Variants in CEMIP observed in about 807,000 individuals in gnomAD.
CEMIP encodes the protein cell migration inducing hyaluronidase 1.
Under a neutral mutation model 156.9 loss-of-function variants are expected in CEMIP, and 105 were observed. The ratio of observed to expected loss-of-function variants is 0.67; its 90% CI spans 0.57 to 0.79. The LOEUF is 0.79. Ranked by LOEUF, CEMIP falls within the 30% of genes least tolerant of loss-of-function variation. The pLI is 0.00. For missense variants in CEMIP, 1,457 were observed against 1,769.4 expected (o/e 0.82, Z 3.17); for synonymous variants, 676 against 668.4 (o/e 1.01, Z -0.17).
chr15:80,783,681 T>C (rs952198494), intron 1 of CEMIP, among the ~76,000 whole-genome samples: 4 of 152,240 alleles, frequency 2.6e-5, no homozygotes, highest in African/African-American at 9.6e-5. Context: ...TCATGGTGAC[T>C]TTTATTAATA....
intron 3 of CEMIP, among the ~76,000 whole-genome samples, chr15:80,874,801 T>C (rs1295139468): frequency 2.6e-5 from 4 of 152,210 alleles, no homozygotes; most frequent in Non-Finnish European, 5.9e-5. Context: ...GGGGGTTTAG[T>C]GCTGCAATAT....
intron 1 of CEMIP, among the ~76,000 whole-genome samples, chr15:80,857,914 G>A (rs921505717): frequency 2.6e-5 from 4 of 152,158 alleles, no homozygotes; most frequent in African/African-American, 9.7e-5. Flanking sequence ...GGACCTGAGG[G>A]TGAGTGGAGT....
intron 1 of CEMIP, among the ~76,000 whole-genome samples, chr15:80,826,694 CCA>C (rs1897046260): frequency 6.6e-6 from 1 of 152,148 alleles, no homozygotes. Flanking sequence ...GGGGCAGAGG[CCA>C]CAGTCATAGG....
intron 1 of CEMIP, among the ~76,000 whole-genome samples, chr15:80,851,043 C>T (rs1567069284): frequency 6.6e-6 from 1 of 152,216 alleles, no homozygotes; most frequent in Non-Finnish European, 1.5e-5. Flanking sequence ...GCCCAGGATC[C>T]TGGGAAGCAA....
At chr15:80,783,907 G>A (rs1443615954) in intron 1 of CEMIP, among the ~76,000 whole-genome samples, 1 of 152,182 alleles carries the variant, frequency 6.6e-6, no homozygotes, top group Non-Finnish European at 1.5e-5. Context: ...GCCACCCAGA[G>A]GGAGAGGAGC....
chr15:80,889,283 C>G (rs1001645529), intron 9 of CEMIP, among the ~76,000 whole-genome samples, 188 bp from the exon 10 acceptor site: 2 of 152,178 alleles, frequency 1.3e-5, no homozygotes, highest in African/African-American at 2.4e-5. Context: ...TTAAGAGAAA[C>G]TCATTTTTTA....
intron 1 of CEMIP, among the ~76,000 whole-genome samples, chr15:80,847,350 T>C (rs933431158): frequency 6.6e-6 from 1 of 152,202 alleles, no homozygotes; most frequent in African/African-American, 2.4e-5. Flanking sequence ...CACCCAGCCC[T>C]TATGTAGCTT....
chr15:80,796,336 T>C (rs571685388), intron 1 of CEMIP, among the ~76,000 whole-genome samples: 50 of 152,260 alleles, frequency 3.3e-4, no homozygotes, highest in Middle Eastern at 3.4e-3. Flanking sequence ...CTCAGAACTA[T>C]AGAGTGCTTA....
chr15:80,904,881 C>T (rs1006491530), intron 12 of CEMIP, among the ~76,000 whole-genome samples: 1 of 152,122 alleles, frequency 6.6e-6, no homozygotes, highest in Non-Finnish European at 1.5e-5. Flanking sequence ...TAATTTGTTA[C>T]TGCAGGATAG....
chr15:80,818,268 G>A (rs1210683770), intron 1 of CEMIP, among the ~76,000 whole-genome samples: 1 of 152,228 alleles, frequency 6.6e-6, no homozygotes, highest in Non-Finnish European at 1.5e-5. Context: ...CACCAGGGCA[G>A]AGGAGAGGGA....
intron 1 of CEMIP, among the ~76,000 whole-genome samples, chr15:80,842,972 A>G (rs1043439999): frequency 2.6e-5 from 4 of 152,214 alleles, no homozygotes; most frequent in Non-Finnish European, 5.9e-5. Context: ...AGTGGATGAC[A>G]TTGTCACCAA....
At position 80,909,918 on chromosome 15, in the gene CEMIP, G is replaced by A. The variant is rs1211112414; in HGVS notation, c.1797+612G>A. 1.4e-5 allele frequency: 4 copies of A among 290,538 alleles called. No individual in the cohort carries two copies. In the Admixed American group the frequency reaches 1.8e-4, roughly 13 times the overall value. The allele number at this position is 290,538 out of a possible 1,614,324, so 18.0% of individuals were successfully genotyped here. On this transcript the variant is annotated intron_variant, in intron 14 of 29. Coordinates refer to ENST00000394685, the MANE Select transcript of CEMIP (RefSeq NM_001293298.2). ...ATCACAAAATGGTACCCCGCAAGCT[G>A]AATCTAGCAACCAGATATGTTTTGT...
At chr15:80,922,226 C>G in intron 17 of CEMIP, 89 bp downstream of exon 17, 1 of 1,542,884 alleles carries the variant, frequency 6.5e-7, no homozygotes, top group Non-Finnish European at 8.9e-7. Context: ...AGCCAGTTGG[C>G]GACAGCTGGG....
chr15:80,817,908 A>G (rs1896823847), intron 1 of CEMIP, among the ~76,000 whole-genome samples: 1 of 152,114 alleles, frequency 6.6e-6, no homozygotes, highest in African/African-American at 2.4e-5. Flanking sequence ...CATTTTGGCA[A>G]TAGGTGTTGG....
chr15:80,805,249 A>C (rs150176599), intron 1 of CEMIP, among the ~76,000 whole-genome samples: 1 of 152,214 alleles, frequency 6.6e-6, no homozygotes, highest in Non-Finnish European at 1.5e-5. Context: ...GGCTGTTTGC[A>C]TTCTGTGAGT....
At chr15:80,920,925 A>G (rs764991107) in intron 15 of CEMIP, 107 bp from the exon 16 acceptor site, 2 of 830,712 alleles carry the variant, frequency 2.4e-6, no homozygotes, top group Non-Finnish European at 4.1e-6. Context: ...ATCTCTGATA[A>G]GAGACTATCA....
chr15:80,895,156 CTATGG>C, intron 11 of CEMIP, 34 bp downstream of exon 11: 1 of 1,613,868 alleles, frequency 6.2e-7, no homozygotes, highest in South Asian at 1.1e-5. Context: ...ACAGATGCAA[CTATGG>C]CTCGGTTCCT....
At chr15:80,831,452 A>C (rs1897155882) in intron 1 of CEMIP, among the ~76,000 whole-genome samples, 1 of 152,142 alleles carries the variant, frequency 6.6e-6, no homozygotes, top group Non-Finnish European at 1.5e-5. Context: ...CAGTGGGCAC[A>C]GGAGTGCAGA....
chr15:80,881,263 G>T (rs1256359390), intron 6 of CEMIP, 127 bp downstream of exon 6: 2 of 856,184 alleles, frequency 2.3e-6, no homozygotes, highest in Non-Finnish European at 4.0e-6. Flanking sequence ...GGGAATCCCT[G>T]CCTTCAAGGA....
Sources: allele counts gnomAD v4.1 joint callset (sites outside exome capture counted in the v4.1 genomes callset), GRCh38; gene constraint gnomAD v4.1.1; transcripts MANE v1.5; gene names NCBI Gene and HGNC (gene_info 2026-07-23, HGNC 2026-07-21).